Variants in ANKRD30A observed in about 807,000 individuals in gnomAD.
The protein encoded by ANKRD30A is ankyrin repeat domain 30A, also known as ankyrin repeat domain-containing protein 30A.
A neutral mutation model predicts 166.3 loss-of-function variants in ANKRD30A; 170 were observed. That is an observed-to-expected ratio of 1.02 (90% CI 0.90 to 1.16). ANKRD30A has a LOEUF of 1.16. ANKRD30A is among the 50% of genes most tolerant of loss of function. The pLI is 0.00. For missense variants in ANKRD30A, 1,630 were observed against 1,518.0 expected, an observed-to-expected ratio of 1.07 and a Z score of -1.23; for synonymous variants, 564 against 508.9, an observed-to-expected ratio of 1.11 and a Z score of -1.46.
At chr10:37,213,628 A>G (rs1221967932) in intron 31 of ANKRD30A, among the ~76,000 whole-genome samples, 1 of 149,282 alleles carries the variant, frequency 6.7e-6, no homozygotes, top group Admixed American at 6.7e-5. Context: ...TAATGTAGAC[A>G]TTCAGTGCTG....
chr10:37,165,293 A>C (rs1417854926), intron 18 of ANKRD30A, 138 bp downstream of exon 18: 1 of 831,302 alleles, frequency 1.2e-6, no homozygotes, highest in African/African-American at 1.7e-5. Flanking sequence ...TATATGCTTA[A>C]TGGAGAATCT....
chr10:37,190,676 C>G (rs1209673791), intron 25 of ANKRD30A, among the ~76,000 whole-genome samples: 3 of 151,724 alleles, frequency 2.0e-5, no homozygotes, highest in Non-Finnish European at 2.9e-5. Context: ...AGTGAGCTCA[C>G]TTCGGAAGCA....
At chr10:37,153,498 A>G in intron 12 of ANKRD30A, 74 bp from the exon 13 acceptor site, 2 of 1,578,976 alleles carry the variant, frequency 1.3e-6, no homozygotes, top group African/African-American at 1.4e-5. Flanking sequence ...AAAAGAATTT[A>G]ATTAGGAAAT....
chr10:37,136,707 C>CT, intron 6 of ANKRD30A, 36 bp downstream of exon 6: 1 of 1,213,402 alleles, frequency 8.2e-7, no homozygotes, highest in Non-Finnish European at 1.2e-6. Context: ...CTTGGTGGTG[C>CT]TATCATAAGA....
chr10:37,162,398 T>G (rs903613628), intron 15 of ANKRD30A, among the ~76,000 whole-genome samples: 23 of 152,314 alleles, frequency 1.5e-4, no homozygotes, highest in African/African-American at 5.5e-4. Flanking sequence ...TATCAACCCT[T>G]TATACACATG....
At chr10:37,153,905 A>G (rs1460767220) in intron 13 of ANKRD30A, among the ~76,000 whole-genome samples, 2 of 152,216 alleles carry the variant, frequency 1.3e-5, no homozygotes, top group African/African-American at 4.8e-5. Flanking sequence ...GAGGAAAATG[A>G]GAAAATAAGA....
intron 5 of ANKRD30A, among the ~76,000 whole-genome samples, chr10:37,135,997 G>T (rs1342561662): frequency 1.3e-5 from 2 of 152,018 alleles, no homozygotes; most frequent in East Asian, 3.9e-4. Context: ...TCCCTATGTT[G>T]CCCAGGGTTG....
intron 31 of ANKRD30A, among the ~76,000 whole-genome samples, chr10:37,205,235 G>A (rs1007479401): frequency 2.0e-5 from 3 of 152,140 alleles, no homozygotes; most frequent in Admixed American, 6.5e-5. Flanking sequence ...TTAAGAAAAT[G>A]TGGCACATAT....
intron 6 of ANKRD30A, among the ~76,000 whole-genome samples, chr10:37,140,861 A>C (rs1003856371): frequency 6.6e-6 from 1 of 152,178 alleles, no homozygotes; most frequent in South Asian, 2.1e-4. Flanking sequence ...AGGTTTTGCA[A>C]GTTGCAGGAG....
At chr10:37,264,827 A>G in the ANKRD30A span, among the ~76,000 whole-genome samples, 6 of 152,332 alleles carry the variant, frequency 3.9e-5, no homozygotes, top group African/African-American at 1.4e-4. Context: ...CATCCAATCC[A>G]CAGAAATGGC....
rs71007622 is a variant in ANKRD30A, at chr10:37,127,046, C to CAAAAAA, written c.221+1072_221+1077dup. 4.5e-3 allele frequency among the ~76,000 whole-genome samples: 75 copies of CAAAAAA among 16,498 alleles called. 10 individuals are homozygous for CAAAAAA. The highest frequency in any genetic ancestry group is 0.012 in the East Asian group (2 of 166). The allele number at this position is 16,498 out of a possible 152,430, so 10.8% of individuals were successfully genotyped here. A position where few individuals can be genotyped will look rare whatever the true frequency, so the allele number is the denominator to read the frequency against. On this transcript the variant is annotated intron_variant, in intron 1 of 35. Coordinates refer to ENST00000361713, the MANE Select transcript of ANKRD30A (RefSeq NM_052997.3). ...TAGGTGATAGAGTGAAACTCTGTCTCAAAAAAAAAAAAAAAAAAAAAAAAA... is the reference window on the plus strand; with the variant it reads ...TAGGTGATAGAGTGAAACTCTGTCTCAAAAAAAAAAAAAAAAAAAAAAAAAAAAAAA...
downstream of ANKRD30A, among the ~76,000 whole-genome samples, chr10:37,236,095 A>G (rs1843664314): frequency 6.6e-6 from 1 of 151,884 alleles, no homozygotes; most frequent in African/African-American, 2.4e-5. Context: ...AGCCCTTCCT[A>G]TTGTTAACAT....
At chr10:37,154,154 G>A (rs1838179728) in intron 13 of ANKRD30A, among the ~76,000 whole-genome samples, 2 of 152,106 alleles carry the variant, frequency 1.3e-5, no homozygotes, top group South Asian at 4.1e-4. Context: ...TCACTGGTGG[G>A]AAGCCATTAG....
intron 15 of ANKRD30A, among the ~76,000 whole-genome samples, chr10:37,159,540 A>T (rs1378456889): frequency 2.0e-5 from 3 of 151,664 alleles, no homozygotes; most frequent in Non-Finnish European, 4.4e-5. Context: ...AAAAACAAAA[A>T]CTCACAACAT....
intron 6 of ANKRD30A, among the ~76,000 whole-genome samples, chr10:37,141,038 C>A (rs1444708629): frequency 6.6e-6 from 1 of 152,128 alleles, no homozygotes; most frequent in Non-Finnish European, 1.5e-5. Context: ...CTTTAAGGTA[C>A]TAAGCATCTT....
At chr10:37,155,820 G>A in intron 13 of ANKRD30A, among the ~76,000 whole-genome samples, 1 of 152,014 alleles carries the variant, frequency 6.6e-6, no homozygotes, top group East Asian at 1.9e-4. Context: ...GGTGGCTCAC[G>A]CCTGTAATTC....
intron 13 of ANKRD30A, among the ~76,000 whole-genome samples, chr10:37,157,207 C>T (rs763580111): frequency 1.4e-4 from 21 of 152,292 alleles, no homozygotes; most frequent in Non-Finnish European, 2.4e-4. Context: ...AATAGTTTAA[C>T]ACCTGGCACG....
intron 34 of ANKRD30A, among the ~76,000 whole-genome samples, chr10:37,227,871 G>A (rs1843233768): frequency 1.3e-5 from 2 of 152,082 alleles, no homozygotes; most frequent in Admixed American, 1.3e-4. Flanking sequence ...ATCCTGGGAA[G>A]AGAAGAGTCA....
At chr10:37,256,612 T>C in the ANKRD30A span, among the ~76,000 whole-genome samples, 1 of 152,226 alleles carries the variant, frequency 6.6e-6, no homozygotes, top group Admixed American at 6.5e-5. Context: ...AGAAGAATCT[T>C]ATTCATTTTA....
Sources: gnomAD v4.1 joint callset for allele counts (sites outside exome capture counted in the v4.1 genomes callset) on GRCh38, gnomAD v4.1.1 for gene constraint, MANE v1.5 for transcripts, NCBI Gene and HGNC (gene_info 2026-07-23, HGNC 2026-07-21) for gene names.